The following TANC2 variants were observed in gnomAD, a reference collection of about 807,000 sequenced individuals.
TANC2 encodes protein TANC2.
TANC2 carries 26 observed loss-of-function variants against 210.5 expected under a neutral mutation model. The ratio of observed to expected loss-of-function variants is 0.12; its 90% CI spans 0.09 to 0.17. TANC2 has a LOEUF of 0.17. Among genes scored for constraint, TANC2 ranks in the 10% least tolerant of loss-of-function variants. The pLI is 1.00. For synonymous variants in TANC2, 931 were observed against 967.1 expected, an observed-to-expected ratio of 0.96 and a Z score of 0.69; for missense variants, 2,129 against 2,608.9, an observed-to-expected ratio of 0.82 and a Z score of 4.01.
chr17:63,277,901 G>A (rs1039977549), intron 9 of TANC2, among the ~76,000 whole-genome samples: 7 of 152,154 alleles, frequency 4.6e-5, no homozygotes, highest in African/African-American at 1.4e-4. Context: ...GCCGGGTACA[G>A]TGGATCGTGC....
intron 4 of TANC2, among the ~76,000 whole-genome samples, chr17:63,109,528 A>C (rs2037954078): frequency 6.6e-6 from 1 of 151,736 alleles, no homozygotes. Flanking sequence ...GAAATCAAAG[A>C]TCTCCAAGAG....
chr17:63,259,929 T>C (rs2043307093), intron 8 of TANC2, among the ~76,000 whole-genome samples: 1 of 152,234 alleles, frequency 6.6e-6, no homozygotes, highest in Non-Finnish European at 1.5e-5. Context: ...TTTTTTCATT[T>C]TGTTTCTTAC....
chr17:63,246,299 A>AT (rs747238341), intron 8 of TANC2, among the ~76,000 whole-genome samples: 4 of 151,872 alleles, frequency 2.6e-5, no homozygotes, highest in South Asian at 2.1e-4. Flanking sequence ...TTTTAAAAAA[A>AT]TTTTTTTAAA....
At chr17:63,117,407 C>T (rs2038292919) in intron 4 of TANC2, among the ~76,000 whole-genome samples, 2 of 152,126 alleles carry the variant, frequency 1.3e-5, no homozygotes, top group African/African-American at 4.8e-5. Flanking sequence ...CTTATGTCAA[C>T]CAATCTAATG....
At chr17:62,969,308 A>G (rs1428080822) in intron 1 of TANC2, among the ~76,000 whole-genome samples, 3 of 152,220 alleles carry the variant, frequency 2.0e-5, no homozygotes, top group African/African-American at 7.2e-5. Context: ...CCAATACTAT[A>G]TAGCTGAGAA....
At chr17:63,192,350 T>C (rs1372077392) in intron 5 of TANC2, among the ~76,000 whole-genome samples, 1 of 152,214 alleles carries the variant, frequency 6.6e-6, no homozygotes, top group Non-Finnish European at 1.5e-5. Context: ...CTTTCTGCAT[T>C]AGTACTTGGA....
intron 3 of TANC2, among the ~76,000 whole-genome samples, chr17:63,089,768 G>A (rs549815636): frequency 6.6e-6 from 1 of 152,130 alleles, no homozygotes; most frequent in East Asian, 1.9e-4. Context: ...ATTATGCATT[G>A]TTATTGTGTG....
intron 7 of TANC2, among the ~76,000 whole-genome samples, chr17:63,219,025 A>C (rs2042098159): frequency 6.6e-6 from 1 of 152,226 alleles, no homozygotes. Flanking sequence ...TTTACAAAGC[A>C]CTAAATTGTG....
chr17:63,226,396 A>T (rs2042329751), intron 7 of TANC2, among the ~76,000 whole-genome samples: 1 of 152,162 alleles, frequency 6.6e-6, no homozygotes. Flanking sequence ...TACGAGTTCT[A>T]GTCTGATCTG....
intron 9 of TANC2, among the ~76,000 whole-genome samples, chr17:63,289,950 C>CT (rs2044337027): frequency 1.3e-5 from 2 of 152,078 alleles, no homozygotes; most frequent in African/African-American, 4.8e-5. Flanking sequence ...CCTTCCCCCC[C>CT]TTCAGTGGGA....
chr17:63,243,377 A>G (rs1204033317), intron 8 of TANC2, among the ~76,000 whole-genome samples: 1 of 152,218 alleles, frequency 6.6e-6, no homozygotes, highest in Non-Finnish European at 1.5e-5. Context: ...TCCATGAGAA[A>G]TGAGTGCTTT....
intron 8 of TANC2, among the ~76,000 whole-genome samples, chr17:63,254,381 C>A (rs1737845191): frequency 6.6e-6 from 1 of 151,960 alleles, no homozygotes; most frequent in South Asian, 2.1e-4. Context: ...TTTGTAAAAT[C>A]TTTGGGTTTT....
chr17:63,396,045 C>T lies in TANC2; in HGVS notation c.3237+117C>T, dbSNP rs1424529902. 1.1e-5 allele frequency: 10 copies of T among 925,850 alleles called. No individual in the cohort carries two copies. The East Asian group carries it at 1.9e-4, about 17-fold the overall frequency. 57.4% of individuals were successfully genotyped at this position (925,850 alleles called of 1,614,324 possible). A position where few individuals can be genotyped will look rare whatever the true frequency, so the allele number is the denominator to read the frequency against. On this transcript the variant is annotated intron_variant, in intron 18 of 27. Transcript: ENST00000689528. ...AACCAAATTAATGTGAATTCGTGAT[C>T]GCTGCTCTGAATAATAAGGAGATTA...
intron 7 of TANC2, among the ~76,000 whole-genome samples, chr17:63,230,290 T>C (rs1436684351): frequency 6.6e-6 from 1 of 152,192 alleles, no homozygotes; most frequent in Non-Finnish European, 1.5e-5. Flanking sequence ...CCCTCAGTTC[T>C]GCTGTAATCT....
intron 9 of TANC2, among the ~76,000 whole-genome samples, chr17:63,307,202 G>T (rs181014998): frequency 6.6e-6 from 1 of 152,138 alleles, no homozygotes; most frequent in East Asian, 1.9e-4. Flanking sequence ...AGGGTTTTGC[G>T]TAGGGGAGTG....
chr17:63,327,988 T>C (rs950090678), intron 11 of TANC2, among the ~76,000 whole-genome samples: 1 of 152,218 alleles, frequency 6.6e-6, no homozygotes, highest in Non-Finnish European at 1.5e-5. Flanking sequence ...TGTGTTCTCA[T>C]TGTTCAATTC....
chr17:63,252,151 G>A (rs1215668172), intron 8 of TANC2, among the ~76,000 whole-genome samples: 2 of 151,944 alleles, frequency 1.3e-5, no homozygotes, highest in Admixed American at 6.6e-5. Context: ...CACAGTATAA[G>A]ATCTCTCATA....
At chr17:63,040,349 A>T (rs986074877) in intron 2 of TANC2, among the ~76,000 whole-genome samples, 4 of 152,160 alleles carry the variant, frequency 2.6e-5, no homozygotes, top group African/African-American at 9.7e-5. Flanking sequence ...GTCATTTCAG[A>T]AGTACAGTAT....
chr17:63,150,437 T>C (rs933393435), intron 4 of TANC2: 6 of 152,180 alleles, frequency 3.9e-5, no homozygotes, highest in African/African-American at 1.4e-4. Flanking sequence ...CTCCTAAAAA[T>C]TAGTAAATAA....
Sources: allele counts gnomAD v4.1 joint callset (sites outside exome capture counted in the v4.1 genomes callset), GRCh38; gene constraint gnomAD v4.1.1; transcripts MANE v1.5; gene names NCBI Gene and HGNC (gene_info 2026-07-23, HGNC 2026-07-21).